CLTCL1: variants seen among roughly 807,000 people sequenced by gnomAD.
CLTCL1 encodes clathrin heavy chain like 1, also known as clathrin heavy chain 2.
In CLTCL1, 159 loss-of-function variants were observed where a neutral mutation model predicts 190.0. The ratio of observed to expected loss-of-function variants is 0.84; its 90% CI spans 0.74 to 0.95. The LOEUF is 0.95. Ranked by LOEUF, CLTCL1 falls within the 40% of genes least tolerant of loss-of-function variation. The pLI is 0.00. For synonymous variants in CLTCL1, 752 were observed against 769.6 expected, an observed-to-expected ratio of 0.98 and a Z score of 0.38; for missense variants, 1,878 against 2,033.4, an observed-to-expected ratio of 0.92 and a Z score of 1.47.
intron 13 of CLTCL1, among the ~76,000 whole-genome samples, chr22:19,225,063 T>C (rs1436860591): frequency 1.3e-5 from 2 of 152,188 alleles, no homozygotes; most frequent in African/African-American, 2.4e-5. Context: ...CCCTCTATCG[T>C]GGGCTCTCAT....
chr22:19,218,106 A>G (rs782259965), intron 18 of CLTCL1, among the ~76,000 whole-genome samples: 1 of 152,166 alleles, frequency 6.6e-6, no homozygotes, highest in Admixed American at 6.5e-5. Flanking sequence ...TCGCACCAGG[A>G]GGTGGCTACA....
chr22:19,231,206 C>T (rs532570051), intron 10 of CLTCL1, among the ~76,000 whole-genome samples: 10 of 152,332 alleles, frequency 6.6e-5, no homozygotes, highest in South Asian at 2.1e-4. Context: ...TCCATAATCA[C>T]GAGCCAATTC....
At chr22:19,260,261 C>T (rs889306537) in intron 2 of CLTCL1, among the ~76,000 whole-genome samples, 65 of 152,180 alleles carry the variant, frequency 4.3e-4, no homozygotes, top group African/African-American at 1.4e-3. Flanking sequence ...GTTCTCCAGA[C>T]GACCTAGCTA....
intron 1 of CLTCL1, among the ~76,000 whole-genome samples, chr22:19,287,219 G>A (rs1364973291): frequency 1.3e-5 from 2 of 152,140 alleles, no homozygotes; most frequent in Non-Finnish European, 2.9e-5. Context: ...GTAGCTCCCT[G>A]AGCTCACAAT....
At chr22:19,216,467 T>A (rs2085388462) in intron 18 of CLTCL1, among the ~76,000 whole-genome samples, 1 of 152,238 alleles carries the variant, frequency 6.6e-6, no homozygotes, top group Admixed American at 6.5e-5. Flanking sequence ...TTCTCTCATA[T>A]CAAATATGCT....
intron 11 of CLTCL1, among the ~76,000 whole-genome samples, chr22:19,228,919 T>C (rs998070316): frequency 1.4e-4 from 22 of 152,188 alleles, no homozygotes; most frequent in African/African-American, 5.1e-4. Flanking sequence ...CTATTATTAT[T>C]ATTTTAGACA....
chr22:19,185,997 C>T (rs142894377), intron 29 of CLTCL1, among the ~76,000 whole-genome samples: 1 of 152,310 alleles, frequency 6.6e-6, no homozygotes, highest in Non-Finnish European at 1.5e-5. Flanking sequence ...CAAGCACTGT[C>T]ACCAAGGGCT....
At chr22:19,256,279 T>C (rs2086746884) in intron 2 of CLTCL1, among the ~76,000 whole-genome samples, 1 of 151,204 alleles carries the variant, frequency 6.6e-6, no homozygotes, top group Non-Finnish European at 1.5e-5. Flanking sequence ...TGCCTCAGCC[T>C]CTCAAGTAGT....
chr22:19,247,917 T>C (rs1223476237), intron 3 of CLTCL1, among the ~76,000 whole-genome samples: 3 of 152,118 alleles, frequency 2.0e-5, no homozygotes, highest in African/African-American at 7.2e-5. Context: ...ATAGAACTTA[T>C]CTATTTAAAG....
intron 2 of CLTCL1, chr22:19,258,934 G>A: frequency 2.7e-6 from 1 of 367,990 alleles, no homozygotes; most frequent in Non-Finnish European, 5.0e-6. Context: ...TGATGACATT[G>A]GATCTTGCAA....
intron 13 of CLTCL1, among the ~76,000 whole-genome samples, chr22:19,225,145 C>A (rs769797136): frequency 6.6e-6 from 1 of 152,208 alleles, no homozygotes; most frequent in Admixed American, 6.5e-5. Context: ...ACTGTACCCA[C>A]GACACAGGCT....
At chr22:19,268,951 G>A (rs139037818) in intron 2 of CLTCL1, among the ~76,000 whole-genome samples, 199 of 152,166 alleles carry the variant, frequency 1.3e-3, no homozygotes, top group African/African-American at 4.1e-3. Flanking sequence ...TTAGCCAGGC[G>A]TGGCGGCACA....
At chr22:19,181,135 G>A in intron 30 of CLTCL1, 1 of 337,446 alleles carries the variant, frequency 3.0e-6, no homozygotes, top group Middle Eastern at 8.7e-4. Flanking sequence ...TGGATACAGG[G>A]ACACTGCCAC....
intron 3 of CLTCL1, among the ~76,000 whole-genome samples, chr22:19,247,315 G>T (rs1238906703): frequency 6.6e-6 from 1 of 151,220 alleles, no homozygotes; most frequent in Admixed American, 6.6e-5. Context: ...AGATGTAGGG[G>T]TGTATTCCTG....
intron 11 of CLTCL1, among the ~76,000 whole-genome samples, chr22:19,227,999 T>G (rs1190147203): frequency 6.6e-6 from 1 of 152,166 alleles, no homozygotes; most frequent in Non-Finnish European, 1.5e-5. Context: ...AATGATGGTC[T>G]TGACAAGCTA....
At chr22:19,262,864 C>T (rs2086996355) in intron 2 of CLTCL1, among the ~76,000 whole-genome samples, 1 of 151,686 alleles carries the variant, frequency 6.6e-6, no homozygotes, top group South Asian at 2.1e-4. Flanking sequence ...AACCCCATCT[C>T]TACTAAAAAT....
intron 4 of CLTCL1, among the ~76,000 whole-genome samples, chr22:19,241,746 C>T (rs1431169425): frequency 6.6e-6 from 1 of 152,196 alleles, no homozygotes. Flanking sequence ...CCCATGGCAG[C>T]CCTGCCGAGC....
In CLTCL1 at chr22:19,254,229, T is replaced by C; in HGVS notation, c.251-2A>G. 8 of 1,606,226 alleles carry C rather than the reference T, an allele frequency of 5.0e-6. No individual in the cohort carries two copies. Among genetic ancestry groups the C allele is most frequent in the Non-Finnish European group, 6.8e-6 (8 of 1,173,350 alleles). The stretch of plus-strand genomic sequence containing the variant: ...TAAAGATCTGAAGTGTCTTCCCAGC[T>C]AGTATTTGATATAATAGAGATTAGA... On this transcript the variant is annotated splice_acceptor_variant, in intron 2 of 32. Coordinates refer to ENST00000427926, the MANE Select transcript of CLTCL1 (RefSeq NM_007098.4). LOFTEE classifies it high-confidence loss of function.
intron 32 of CLTCL1, 59 bp downstream of exon 32, chr22:19,180,140 G>A: frequency 1.4e-6 from 2 of 1,465,720 alleles, no homozygotes; most frequent in Non-Finnish European, 1.9e-6. Flanking sequence ...GGAGCGTGGG[G>A]TCAGCCAGAG....
Sources: gnomAD v4.1 joint callset for allele counts (sites outside exome capture counted in the v4.1 genomes callset) on GRCh38, gnomAD v4.1.1 for gene constraint, MANE v1.5 for transcripts, NCBI Gene and HGNC (gene_info 2026-07-23, HGNC 2026-07-21) for gene names.